TNRC6A: variants seen among roughly 807,000 people sequenced by gnomAD.
The protein encoded by TNRC6A is trinucleotide repeat-containing gene 6A protein.
Under a neutral mutation model 221.2 loss-of-function variants are expected in TNRC6A, and 44 were observed. The ratio of observed to expected loss-of-function variants is 0.20; its 90% CI spans 0.16 to 0.26. The LOEUF (loss-of-function observed/expected upper bound fraction) is 0.26. TNRC6A is among the 10% of genes least tolerant of loss of function. The pLI, the probability that TNRC6A is intolerant of heterozygous loss-of-function variation, is 1.00. For synonymous variants in TNRC6A, 847 were observed against 838.5 expected (o/e 1.01, Z -0.18); for missense variants, 2,199 against 2,404.4 (o/e 0.91, Z 1.79).
intron 4 of TNRC6A, chr16:24,776,461 G>A: frequency 1.0e-6 from 1 of 985,416 alleles, no homozygotes; most frequent in Non-Finnish European, 1.2e-6. Context: ...TTCTAACCTT[G>A]TGTTGTTCTT....
intron 2 of TNRC6A, among the ~76,000 whole-genome samples, chr16:24,690,956 C>T (rs1443870761): frequency 2.6e-5 from 4 of 151,912 alleles, no homozygotes; most frequent in African/African-American, 9.7e-5. Context: ...TACTGGCGCC[C>T]GCCACCACGC....
At chr16:24,776,005 T>A (rs2057710567) in intron 4 of TNRC6A, among the ~76,000 whole-genome samples, 1 of 152,226 alleles carries the variant, frequency 6.6e-6, no homozygotes. Context: ...AACCTTAGGA[T>A]AGCTCTGCAA....
In TNRC6A at chr16:24,822,980, A is replaced by C; in HGVS notation, c.5480A>C (p.Glu1827Ala). Residue 1827 changes from glutamate to alanine, a missense_variant, in exon 24 of 25, where the codon GAA (glutamate) becomes GCA (alanine). Physicochemically the swap from Glu to Ala is moderately radical, Grantham distance 107. Transcript: ENST00000395799. The part of the protein sequence containing the change: ...GNALVRYSSK[E>A]EVVKAQKSLH... ...GCTCTGGTCCGCTACAGTTCAAAAG[A>C]AGAGGTAGTGAAGGCACAAAAGTCT... 2 of 1,614,218 alleles carry C rather than the reference A, an allele frequency of 1.2e-6. No individual in the cohort carries two copies. The highest frequency in any genetic ancestry group is 1.7e-6 in the Non-Finnish European group (2 of 1,180,034).
intron 2 of TNRC6A, among the ~76,000 whole-genome samples, chr16:24,688,789 G>T (rs567325001): frequency 5.9e-5 from 9 of 152,250 alleles, no homozygotes; most frequent in African/African-American, 1.9e-4. Flanking sequence ...TGAACCAAGG[G>T]AAATGCACCC....
chr16:24,764,062 C>T (rs1445409247), intron 4 of TNRC6A, among the ~76,000 whole-genome samples: 2 of 152,090 alleles, frequency 1.3e-5, no homozygotes, highest in Non-Finnish European at 2.9e-5. Flanking sequence ...CCTAGACTTA[C>T]CCACATACGT....
intron 4 of TNRC6A, among the ~76,000 whole-genome samples, chr16:24,768,154 G>T (rs980303421): frequency 1.3e-5 from 2 of 152,112 alleles, no homozygotes; most frequent in Admixed American, 1.3e-4. Flanking sequence ...TGCCTGGGCC[G>T]GGCGCGGTGG....
chr16:24,616,325 CAAA>C (rs397855433), intron 1 of TNRC6A, among the ~76,000 whole-genome samples: 5 of 74,104 alleles, frequency 6.7e-5, no homozygotes, highest in Admixed American at 3.0e-4. Context: ...GATGCTGTCT[CAAA>C]AAAAAAAAAA....
At chr16:24,713,712 T>A (rs535497256) in intron 2 of TNRC6A, among the ~76,000 whole-genome samples, 1 of 152,232 alleles carries the variant, frequency 6.6e-6, no homozygotes, top group South Asian at 2.1e-4. Context: ...AGTGGCATGA[T>A]CTTGGCTTAC....
At chr16:24,641,538 A>C (rs1357851650) in intron 2 of TNRC6A, among the ~76,000 whole-genome samples, 1 of 152,194 alleles carries the variant, frequency 6.6e-6, no homozygotes, top group Non-Finnish European at 1.5e-5. Flanking sequence ...TGGAAAAGCT[A>C]GAGTAGAAAT....
intron 3 of TNRC6A, among the ~76,000 whole-genome samples, chr16:24,754,570 AAG>A (rs1405659613): frequency 1.3e-5 from 2 of 152,202 alleles, no homozygotes; most frequent in Non-Finnish European, 2.9e-5. Flanking sequence ...ACTTTAAAAA[AAG>A]GAGGGGGGTG....
At chr16:24,647,494 C>A (rs1286781774) in intron 2 of TNRC6A, among the ~76,000 whole-genome samples, 1 of 152,122 alleles carries the variant, frequency 6.6e-6, no homozygotes. Flanking sequence ...GTAAAATATA[C>A]ACAACATAAA....
At chr16:24,643,113 A>ATATATTT (rs1902076596) in intron 2 of TNRC6A, among the ~76,000 whole-genome samples, 1 of 132,566 alleles carries the variant, frequency 7.5e-6, no homozygotes, top group Non-Finnish European at 1.6e-5. Flanking sequence ...TATATAAAAT[A>ATATATTT]TATATATATA....
At chr16:24,688,113 G>C (rs545239278) in intron 2 of TNRC6A, among the ~76,000 whole-genome samples, 353 of 131,256 alleles carry the variant, frequency 2.7e-3, no homozygotes, top group Non-Finnish European at 4.4e-3. Flanking sequence ...TTTTTTTTTT[G>C]TATTTTTAGT....
chr16:24,788,322 A>G (rs1438288049), intron 5 of TNRC6A, among the ~76,000 whole-genome samples: 2 of 152,252 alleles, frequency 1.3e-5, no homozygotes, highest in Non-Finnish European at 2.9e-5. Context: ...AGAAAATTTT[A>G]TGAGAGGAAG....
At chr16:24,647,929 G>A (rs534174538) in intron 2 of TNRC6A, among the ~76,000 whole-genome samples, 1 of 152,188 alleles carries the variant, frequency 6.6e-6, no homozygotes, top group African/African-American at 2.4e-5. Flanking sequence ...ATATCTATGA[G>A]TTTGACTACT....
At chr16:24,821,420 C>T (rs1048955797) in intron 22 of TNRC6A, among the ~76,000 whole-genome samples, 1 of 152,178 alleles carries the variant, frequency 6.6e-6, no homozygotes, top group Non-Finnish European at 1.5e-5. Context: ...AGCACAAAGG[C>T]TCCCGTTGGA....
intron 2 of TNRC6A, among the ~76,000 whole-genome samples, chr16:24,689,866 C>G (rs1348140705): frequency 3.3e-5 from 5 of 151,906 alleles, no homozygotes; most frequent in African/African-American, 1.2e-4. Context: ...TCACCTGCCT[C>G]AACTTCCCAG....
chr16:24,806,448 C>A, intron 16 of TNRC6A, 126 bp from the exon 17 acceptor site: 1 of 1,358,744 alleles, frequency 7.4e-7, no homozygotes. Flanking sequence ...GTTATGTGAA[C>A]ATTATACAGT....
chr16:24,722,487 G>A (rs2056427019), intron 2 of TNRC6A, among the ~76,000 whole-genome samples: 1 of 151,966 alleles, frequency 6.6e-6, no homozygotes, highest in South Asian at 2.1e-4. Context: ...CCAGGCTGGA[G>A]TGCAGTGGCA....
Sources: allele counts gnomAD v4.1 joint callset (sites outside exome capture counted in the v4.1 genomes callset), GRCh38; gene constraint gnomAD v4.1.1; transcripts MANE v1.5; gene names NCBI Gene and HGNC (gene_info 2026-07-23, HGNC 2026-07-21).